The following XRCC4 variants were observed in gnomAD, a reference collection of about 807,000 sequenced individuals.
The protein encoded by XRCC4 is X-ray repair cross complementing 4, also known as DNA repair protein XRCC4.
A neutral mutation model predicts 39.1 loss-of-function variants in XRCC4; 28 were observed. The observed-to-expected ratio is 0.72, with a 90% CI of 0.53 to 0.98. XRCC4 has a LOEUF of 0.98. Ranked by LOEUF, XRCC4 falls within the 50% of genes least tolerant of loss-of-function variation. XRCC4 has a pLI of 0.00. For missense variants in XRCC4, 350 were observed against 376.4 expected (o/e 0.93, Z 0.58); for synonymous variants, 123 against 126.4 (o/e 0.97, Z 0.18).
chr5:83,236,783 C>T (rs368738912), intron 6 of XRCC4, among the ~76,000 whole-genome samples: 1 of 151,234 alleles, frequency 6.6e-6, no homozygotes, highest in African/African-American at 2.4e-5. Flanking sequence ...GAGAACAACC[C>T]ACAAAATGAG....
At chr5:83,144,774 C>T (rs1160258727) in intron 3 of XRCC4, among the ~76,000 whole-genome samples, 1 of 151,910 alleles carries the variant, frequency 6.6e-6, no homozygotes, top group Non-Finnish European at 1.5e-5. Flanking sequence ...TCTCTATTTT[C>T]ATCTCAATCT....
At chr5:83,329,706 G>C in intron 7 of XRCC4, among the ~76,000 whole-genome samples, 1 of 152,012 alleles carries the variant, frequency 6.6e-6, no homozygotes, top group East Asian at 1.9e-4. Context: ...CCTACCAAAG[G>C]TGCACAACTT....
intron 7 of XRCC4, among the ~76,000 whole-genome samples, chr5:83,270,799 T>TTG (rs1754120526): frequency 6.7e-6 from 1 of 149,600 alleles, no homozygotes; most frequent in African/African-American, 2.5e-5. Context: ...ATATATTTTT[T>TTG]TTTTGAGACA....
At chr5:83,138,497 G>A (rs1292923794) in intron 3 of XRCC4, among the ~76,000 whole-genome samples, 1 of 151,902 alleles carries the variant, frequency 6.6e-6, no homozygotes, top group Non-Finnish European at 1.5e-5. Context: ...TTTTCTGGTA[G>A]GGTAACATAA....
intron 3 of XRCC4, among the ~76,000 whole-genome samples, chr5:83,167,302 C>A (rs1477612279): frequency 3.3e-5 from 5 of 151,456 alleles, no homozygotes; most frequent in African/African-American, 7.3e-5. Context: ...GTTTCTTTGT[C>A]ATTCACATGA....
At chr5:83,322,414 A>G (rs527492507) in intron 7 of XRCC4, among the ~76,000 whole-genome samples, 1 of 152,234 alleles carries the variant, frequency 6.6e-6, no homozygotes, top group South Asian at 2.1e-4. Flanking sequence ...GCCAGGCAAT[A>G]TGCTGTGGAC....
At chr5:83,333,770 C>CTT (rs780841413) in intron 7 of XRCC4, among the ~76,000 whole-genome samples, 5 of 140,914 alleles carry the variant, frequency 3.5e-5, no homozygotes, top group South Asian at 2.3e-4. Context: ...AGATTTAAAC[C>CTT]TTTTTTTTTT....
intron 7 of XRCC4, among the ~76,000 whole-genome samples, chr5:83,282,825 G>C (rs1754594611): frequency 6.6e-6 from 1 of 152,030 alleles, no homozygotes. Flanking sequence ...CTGGGCGACA[G>C]AGCAAGACTC....
chr5:83,196,022 A>G (rs1561396557), intron 4 of XRCC4, 86 bp downstream of exon 4: 3 of 1,362,494 alleles, frequency 2.2e-6, no homozygotes, highest in African/African-American at 1.4e-5. Flanking sequence ...GTAAATTTCC[A>G]ATATATGTGG....
chr5:83,365,120 T>C, the XRCC4 span, among the ~76,000 whole-genome samples: 1 of 152,148 alleles, frequency 6.6e-6, no homozygotes, highest in Non-Finnish European at 1.5e-5. Flanking sequence ...CGATGGGAGT[T>C]CCGTTACCTC....
At chr5:83,326,218 C>T (rs1457853150) in intron 7 of XRCC4, among the ~76,000 whole-genome samples, 2 of 151,946 alleles carry the variant, frequency 1.3e-5, no homozygotes, top group South Asian at 2.1e-4. Context: ...CTAACTCCAA[C>T]GATAGTTTCT....
At chr5:83,182,497 AAGG>A (rs919556768) in intron 3 of XRCC4, among the ~76,000 whole-genome samples, 3 of 152,238 alleles carry the variant, frequency 2.0e-5, no homozygotes, top group Admixed American at 6.5e-5. Context: ...AGGGAAAAGG[AAGG>A]AGGACAGAAG....
At chr5:83,301,280 C>T (rs964556657) in intron 7 of XRCC4, among the ~76,000 whole-genome samples, 4 of 152,102 alleles carry the variant, frequency 2.6e-5, no homozygotes, top group Non-Finnish European at 4.4e-5. Flanking sequence ...TTCTTACTGG[C>T]GTGAGATGGT....
intron 3 of XRCC4, among the ~76,000 whole-genome samples, chr5:83,170,016 A>G (rs1034202479): frequency 6.6e-6 from 1 of 152,150 alleles, no homozygotes; most frequent in Non-Finnish European, 1.5e-5. Flanking sequence ...TTTTAGTTTT[A>G]GTAGAAACTT....
At chr5:83,128,685 A>G (rs1747401822) in intron 3 of XRCC4, among the ~76,000 whole-genome samples, 1 of 152,166 alleles carries the variant, frequency 6.6e-6, no homozygotes, top group Non-Finnish European at 1.5e-5. Context: ...GTAAGATGAT[A>G]TCTCATTGTG....
At chr5:83,257,137 T>C (rs1753572684) in intron 6 of XRCC4, among the ~76,000 whole-genome samples, 1 of 152,136 alleles carries the variant, frequency 6.6e-6, no homozygotes, top group Non-Finnish European at 1.5e-5. Context: ...CATGCAAGCT[T>C]TTCTGCCAGA....
intron 3 of XRCC4, among the ~76,000 whole-genome samples, chr5:83,129,264 T>G (rs1747435440): frequency 6.8e-6 from 1 of 147,550 alleles, no homozygotes; most frequent in Non-Finnish European, 1.5e-5. Context: ...TTTCTCAGGT[T>G]TGTCAAAGAT....
chr5:83,301,656 A>G (rs887645544), intron 7 of XRCC4, among the ~76,000 whole-genome samples: 18 of 152,196 alleles, frequency 1.2e-4, no homozygotes, highest in Non-Finnish European at 2.4e-4. Flanking sequence ...GCCCATGCCT[A>G]TGCCCTGAAT....
chr5:83,304,117 A>G (rs1240438303), intron 7 of XRCC4, among the ~76,000 whole-genome samples: 1 of 152,096 alleles, frequency 6.6e-6, no homozygotes, highest in Non-Finnish European at 1.5e-5. Flanking sequence ...AAGTAATACA[A>G]GTACTTTTAT....
Sources: allele counts gnomAD v4.1 joint callset (sites outside exome capture counted in the v4.1 genomes callset), GRCh38; gene constraint gnomAD v4.1.1; transcripts MANE v1.5; gene names NCBI Gene and HGNC (gene_info 2026-07-23, HGNC 2026-07-21).